Variants in METTL9 observed in about 807,000 individuals in gnomAD.
The protein encoded by METTL9 is methyltransferase 9, His-X-His N1(pi)-histidine.
Under a neutral mutation model 36.0 loss-of-function variants are expected in METTL9, and 10 were observed. The observed-to-expected ratio is 0.28, with a 90% CI of 0.17 to 0.47. The LOEUF is 0.47. Among genes scored for constraint, METTL9 ranks in the 20% least tolerant of loss-of-function variants. METTL9 has a pLI of 0.99. For missense variants in METTL9, 246 were observed against 383.5 expected (o/e 0.64, Z 3.00); for synonymous variants, 175 against 149.7 (o/e 1.17, Z -1.23).
At chr16:21,606,198 G>C (rs576488066) in intron 1 of METTL9, among the ~76,000 whole-genome samples, 3 of 152,082 alleles carry the variant, frequency 2.0e-5, no homozygotes, top group African/African-American at 7.2e-5. Context: ...TTAGCTGGGC[G>C]TGGTGGCACG....
Position 21,625,042 on chromosome 16 carries a change from A to G in METTL9, c.678A>G (p.Arg226=). ...DQPLTLLKDI[R]SVLEPTRGRV... ...CCCTGACTTTGTTAAAAGATATCAGAAGTGTCTTGGAGCCAACTAGAGGCA... is the reference window on the plus strand; with the variant it reads ...CCCTGACTTTGTTAAAAGATATCAGGAGTGTCTTGGAGCCAACTAGAGGCA... The change falls in exon 4 of 5, where the codon AGA becomes AGG. Residue 226 remains arginine (R), a synonymous_variant. Coordinates refer to ENST00000358154, the MANE Select transcript of METTL9 (RefSeq NM_016025.5). The G allele has an allele frequency of 6.2e-7, 1 of 1,614,178 alleles. No individual in the cohort carries two copies. Among genetic ancestry groups the G allele is most frequent in the Non-Finnish European group, 8.5e-7 (1 of 1,180,034 alleles).
intron 4 of METTL9, chr16:21,646,500 A>C (rs1966432928): frequency 6.3e-6 from 1 of 158,434 alleles, no homozygotes. Context: ...ATAGTTACTC[A>C]CCACAAGGTT....
rs1027551065 is a variant in METTL9 at position 21,647,166 on chromosome 16, G to C, written c.752-8061G>C. 1.7e-5 allele frequency: 27 copies of C among 1,614,016 alleles called. No homozygotes were observed. The highest frequency in any genetic ancestry group is 2.3e-5 in the Non-Finnish European group (27 of 1,179,992). ...ACCAGTGTGGTCCCTCCTCCTGTCT[G>C]TTTAGCTCTCGCTTCCGGCACACTG... On this transcript the variant is annotated intron_variant, in intron 4 of 4. Transcript: ENST00000358154.
chr16:21,634,078 G>A (rs1966026937), intron 4 of METTL9, among the ~76,000 whole-genome samples: 1 of 152,196 alleles, frequency 6.6e-6, no homozygotes, highest in Admixed American at 6.5e-5. Flanking sequence ...CAAGTGAAAA[G>A]AGCAAAGTTT....
chr16:21,652,702 A>T (rs1966610356), intron 4 of METTL9: 1 of 787,564 alleles, frequency 1.3e-6, no homozygotes, highest in Admixed American at 2.7e-5. Flanking sequence ...CTTATGAAGG[A>T]ACCATAATCA....
intron 1 of METTL9, among the ~76,000 whole-genome samples, chr16:21,608,216 G>C (rs935425666): frequency 6.6e-6 from 1 of 152,108 alleles, no homozygotes; most frequent in Non-Finnish European, 1.5e-5. Flanking sequence ...CCAGTGCTGC[G>C]AGCTTAGCGT....
intron 4 of METTL9, among the ~76,000 whole-genome samples, chr16:21,630,622 C>A (rs924931150): frequency 2.0e-5 from 3 of 152,196 alleles, no homozygotes; most frequent in Non-Finnish European, 4.4e-5. Flanking sequence ...GTAGTGTCCT[C>A]CAGAGGGGAA....
At chr16:21,646,495 TACTC>T (rs1046927445) in intron 4 of METTL9, 2 of 158,242 alleles carry the variant, frequency 1.3e-5, no homozygotes, top group African/African-American at 2.4e-5. Flanking sequence ...AGCTGATAGT[TACTC>T]ACCACAAGGT....
rs532730754 is a variant in METTL9, at chr16:21,608,410, C to G, written c.166-4235C>G. Reference sequence around the variant, plus strand: ...AGATCATAGTCACATTACTTGTTTCCCTTGGTTTCTGATTTTATTTTCACT... The same window carrying G: ...AGATCATAGTCACATTACTTGTTTCGCTTGGTTTCTGATTTTATTTTCACT... On this transcript the variant is annotated intron_variant, in intron 1 of 4. Transcript: ENST00000358154. Among the ~76,000 whole-genome samples the G allele has an allele frequency of 1.0e-3, 152 of 152,156 alleles. 3 individuals carry two copies. The South Asian group carries it at 0.018, about 18-fold the overall frequency.
intron 4 of METTL9, chr16:21,643,010 G>T: frequency 9.4e-7 from 1 of 1,060,384 alleles, no homozygotes; most frequent in Non-Finnish European, 1.4e-6. Context: ...CTCCTTGGCA[G>T]CTTAGTTTTT....
At chr16:21,624,864 C>T in intron 3 of METTL9, 67 bp from the exon 4 acceptor site, 1 of 1,386,644 alleles carries the variant, frequency 7.2e-7, no homozygotes, top group Non-Finnish European at 1.0e-6. Context: ...TTATTGTCAT[C>T]TCAGTTATTT....
chr16:21,627,441 A>G (rs1320243618), intron 4 of METTL9: 4 of 949,112 alleles, frequency 4.2e-6, no homozygotes, highest in Non-Finnish European at 5.0e-6. Context: ...TATTTGGTTT[A>G]CTGACCCAGT....
chr16:21,647,670 T>C (rs1290970166), intron 4 of METTL9, among the ~76,000 whole-genome samples: 1 of 152,182 alleles, frequency 6.6e-6, no homozygotes, highest in Non-Finnish European at 1.5e-5. Context: ...TCCTGTTTTC[T>C]GACCTTGACC....
intron 4 of METTL9, chr16:21,643,638 T>A: frequency 7.3e-7 from 1 of 1,377,182 alleles, no homozygotes; most frequent in South Asian, 1.2e-5. Flanking sequence ...ACATTTTATG[T>A]ACTCATAACA....
chr16:21,629,523 C>T (rs887379351), intron 4 of METTL9, among the ~76,000 whole-genome samples: 3 of 152,106 alleles, frequency 2.0e-5, no homozygotes, highest in South Asian at 2.1e-4. Context: ...CAAACCTTTG[C>T]GGTGAGTGTT....
chr16:21,657,116 G>A lies in METTL9; in HGVS notation c.*1684G>A, dbSNP rs1966727102. 1 of 152,010 alleles carries A rather than the reference G, an allele frequency of 6.6e-6. No homozygotes were observed. The highest frequency in any genetic ancestry group is 1.5e-5 in the Non-Finnish European group (1 of 67,998). The allele number at this position is 152,010 out of a possible 1,614,324, so 9.4% of individuals were successfully genotyped here. ...GTTCAAGGAGGCAGGTTGCCCCAAAGTGTTTTCTAACTTTCAAGTAGAGAA... is the reference window on the plus strand; with the variant it reads ...GTTCAAGGAGGCAGGTTGCCCCAAAATGTTTTCTAACTTTCAAGTAGAGAA... On this transcript the variant is annotated 3_prime_UTR_variant, in exon 5 of 5. Transcript: ENST00000358154.
chr16:21,631,899 C>T (rs890717921), intron 4 of METTL9, among the ~76,000 whole-genome samples: 2 of 152,090 alleles, frequency 1.3e-5, no homozygotes, highest in Non-Finnish European at 2.9e-5. Context: ...TTACTACTTC[C>T]ATCTCTCTTT....
At chr16:21,643,047 C>CT (rs748317965) in intron 4 of METTL9, 273 of 1,460,210 alleles carry the variant, frequency 1.9e-4, no homozygotes, top group East Asian at 4.7e-4. Flanking sequence ...TCTGTATTTA[C>CT]ATTTTTTTTT....
chr16:21,599,549 A>C (rs1407095915), upstream of METTL9: 3 of 1,277,378 alleles, frequency 2.3e-6, no homozygotes, highest in South Asian at 7.1e-5. This position sits in a 1 kb window ranked among gnomAD's most constrained non-coding sequence, Gnocchi z 4.4. Flanking sequence ...GGGAAGGGGG[A>C]GGTGCCGAGG....
Sources: allele counts gnomAD v4.1 joint callset (sites outside exome capture counted in the v4.1 genomes callset), GRCh38; gene constraint gnomAD v4.1.1; non-coding constraint Gnocchi (gnomAD v3.1); transcripts MANE v1.5; gene names NCBI Gene and HGNC (gene_info 2026-07-23, HGNC 2026-07-21).